The following ABCA4 variants were observed in gnomAD, a reference collection of about 807,000 sequenced individuals.
ABCA4 encodes the protein retinal-specific phospholipid-transporting ATPase ABCA4.
A neutral mutation model predicts 263.7 loss-of-function variants in ABCA4; 196 were observed. That is an observed-to-expected ratio of 0.74 (90% CI 0.66 to 0.84). The LOEUF is 0.84. Ranked by LOEUF, ABCA4 falls within the 40% of genes least tolerant of loss-of-function variation. The pLI, the probability that ABCA4 is intolerant of heterozygous loss-of-function variation, is 0.00. For synonymous variants in ABCA4, 1,133 were observed against 1,094.2 expected (o/e 1.04, Z -0.70); for missense variants, 2,792 against 2,855.1 (o/e 0.98, Z 0.50).
chr1:94,043,486 G>A lies in ABCA4; in HGVS notation c.3051-11C>T, dbSNP rs761753610. 1.1e-5 allele frequency: 18 copies of A among 1,614,096 alleles called. No individual in the cohort carries two copies. Among genetic ancestry groups the A allele is most frequent in the Non-Finnish European group, 1.1e-5 (13 of 1,180,022 alleles). On this transcript the variant is annotated splice_polypyrimidine_tract_variant and intron_variant, in intron 20 of 49. Coordinates refer to ENST00000370225, the MANE Select transcript of ABCA4 (RefSeq NM_000350.3). The stretch of plus-strand genomic sequence containing the variant: ...TCAGCCACCGTGAGGCTAGGAGGAT[G>A]GGACAACGAGAAAAGCAGTGGCTTA...
chr1:94,013,944 A>G (rs1002279948), intron 38 of ABCA4, among the ~76,000 whole-genome samples: 4 of 152,110 alleles, frequency 2.6e-5, no homozygotes, highest in Non-Finnish European at 4.4e-5. Flanking sequence ...AGTGGGAAAC[A>G]GGGGTAGGAA....
intron 19 of ABCA4, 74 bp downstream of exon 19, chr1:94,046,845 C>T: frequency 6.4e-7 from 1 of 1,564,670 alleles, no homozygotes. Context: ...GAGTAGACAG[C>T]CGCTGATAGG....
chr1:94,079,508 G>A, intron 8 of ABCA4, 47 bp from the exon 9 acceptor site: 1 of 1,613,230 alleles, frequency 6.2e-7, no homozygotes, highest in South Asian at 1.1e-5. Context: ...CCCATTGCTT[G>A]TAACTCAATA....
chr1:94,048,923 C>A lies in ABCA4; in HGVS notation c.2688G>T (p.Lys896Asn). The A allele has an allele frequency of 6.2e-7, 1 of 1,614,120 alleles. No individual in the cohort carries two copies. Among genetic ancestry groups the A allele is most frequent in the East Asian group, 2.2e-5 (1 of 44,876 alleles). ...CCGTTTCCTCTGTTAGGGGCTCGGT[C>A]TTTTCCAGGGCTCTTTCTTCTCTGG... ...CSTREERALEKTEPLTEETED... is the reference protein window; with the variant it reads ...CSTREERALENTEPLTEETED... Residue 896 changes from lysine to asparagine, a missense_variant, in exon 18 of 50, where the codon AAG becomes AAT. Physicochemically the swap from Lys to Asn is moderately conservative, Grantham distance 94. Transcript: ENST00000370225.
chr1:94,094,255 G>GA (rs1662057188), intron 6 of ABCA4, among the ~76,000 whole-genome samples: 5 of 152,092 alleles, frequency 3.3e-5, no homozygotes, highest in Non-Finnish European at 7.4e-5. Flanking sequence ...ACTCTCACTG[G>GA]GTAGGGGGCG....
chr1:94,042,662 G>C (rs1229400960), intron 22 of ABCA4, 99 bp downstream of exon 22: 1 of 1,514,894 alleles, frequency 6.6e-7, no homozygotes, highest in East Asian at 2.3e-5. Context: ...AGTCATTGTG[G>C]TTCCTGTACT....
chr1:94,001,657 G>T, intron 45 of ABCA4: 1 of 778,658 alleles, frequency 1.3e-6, no homozygotes, highest in Non-Finnish European at 2.2e-6. Flanking sequence ...CCAAGTCAAG[G>T]CTGTGCCGTG....
chr1:94,050,980 A>T (rs1380005957), intron 17 of ABCA4, among the ~76,000 whole-genome samples: 1 of 152,188 alleles, frequency 6.6e-6, no homozygotes, highest in Non-Finnish European at 1.5e-5. Flanking sequence ...CAGACCTCAC[A>T]AAAGAGTCTG....
chr1:94,091,579 T>TCACA (rs35529737), intron 6 of ABCA4, among the ~76,000 whole-genome samples: 154 of 143,840 alleles, frequency 1.1e-3, no homozygotes, highest in African/African-American at 3.1e-3. Context: ...AAACATCATC[T>TCACA]CACACACACA....
intron 37 of ABCA4, 53 bp downstream of exon 37, chr1:94,015,686 C>A: frequency 6.9e-7 from 1 of 1,453,272 alleles, no homozygotes; most frequent in East Asian, 2.3e-5. Flanking sequence ...ATCCCCCACC[C>A]CCACCACCAG....
chr1:94,105,961 C>A (rs1022413910), intron 4 of ABCA4, among the ~76,000 whole-genome samples: 1 of 152,202 alleles, frequency 6.6e-6, no homozygotes, highest in African/African-American at 2.4e-5. Flanking sequence ...CTGAGGAGTC[C>A]GTGCTCACAG....
At chr1:94,027,624 C>A (rs1660077936) in intron 30 of ABCA4, among the ~76,000 whole-genome samples, 1 of 152,080 alleles carries the variant, frequency 6.6e-6, no homozygotes, top group African/African-American at 2.4e-5. Flanking sequence ...TAAAAAAGAG[C>A]AGGGATCGGG....
At chr1:94,056,974 C>T (rs753951055) in intron 14 of ABCA4, 152 bp from the exon 15 acceptor site, 132 of 731,184 alleles carry the variant, frequency 1.8e-4, no homozygotes, top group Non-Finnish European at 2.9e-4. Flanking sequence ...CTAGGAATGC[C>T]ATTTTCCCTG....
intron 36 of ABCA4, among the ~76,000 whole-genome samples, chr1:94,016,301 G>A (rs1476608652): frequency 1.3e-5 from 2 of 152,224 alleles, no homozygotes; most frequent in African/African-American, 4.8e-5. Context: ...CAACAGTGGG[G>A]TTAGGGGAGG....
Position 94,021,070 on chromosome 1 carries a change from T to G in ABCA4, c.5018+170A>C, listed in dbSNP as rs370994559. ...GGGGAGAAAGAATGACCAAGAGGTC[T>G]GGTATGTGAAGTGTGAGGCACTTAT... On this transcript the variant is annotated intron_variant, in intron 35 of 49. Transcript: ENST00000370225. 1.1e-4 allele frequency among the ~76,000 whole-genome samples: 17 copies of G among 152,362 alleles called. 1 individual carries two copies. Among genetic ancestry groups the G allele is most frequent in the Admixed American group, 7.2e-4 (11 of 15,308 alleles).
chr1:94,030,416 G>C lies in ABCA4; in HGVS notation c.4352+12C>G, dbSNP rs749028617. On this transcript the variant is annotated intron_variant, in intron 29 of 49. Coordinates refer to ENST00000370225, the MANE Select transcript of ABCA4 (RefSeq NM_000350.3). ...GCTAGTCTTCTTAGGACAGGGGCGC[G>C]TAGGCACTTACGGAAGCCACCCTTC... The C allele has an allele frequency of 6.2e-7, 1 of 1,613,424 alleles. No homozygotes were observed.
chr1:94,088,345 G>A (rs1661886486), intron 6 of ABCA4, among the ~76,000 whole-genome samples: 2 of 152,120 alleles, frequency 1.3e-5, no homozygotes, highest in Non-Finnish European at 2.9e-5. Flanking sequence ...AGGTTCCCAA[G>A]GGCCTCCCTT....
chr1:94,114,246 C>CT (rs1662687076), intron 1 of ABCA4, among the ~76,000 whole-genome samples: 1 of 152,086 alleles, frequency 6.6e-6, no homozygotes, highest in Non-Finnish European at 1.5e-5. Flanking sequence ...CCATGTTCTG[C>CT]TTTTTAAAAA....
intron 31 of ABCA4, among the ~76,000 whole-genome samples, chr1:94,024,476 G>C (rs7535837): frequency 0.033 from 4,951 of 152,242 alleles, 274 homozygotes; most frequent in African/African-American, 0.11. Flanking sequence ...TCGCCCTGGC[G>C]TGTGCTGGAC....
Sources: gnomAD v4.1 joint callset for allele counts (sites outside exome capture counted in the v4.1 genomes callset) on GRCh38, gnomAD v4.1.1 for gene constraint, MANE v1.5 for transcripts, NCBI Gene and HGNC (gene_info 2026-07-23, HGNC 2026-07-21) for gene names.